Variants in UGGT2 observed in about 807,000 individuals in gnomAD.
UGGT2 encodes the protein UDP-glucose glycoprotein glucosyltransferase 2.
A neutral mutation model predicts 192.1 loss-of-function variants in UGGT2; 180 were observed. The ratio of observed to expected loss-of-function variants is 0.94; its 90% CI spans 0.83 to 1.06. The LOEUF (loss-of-function observed/expected upper bound fraction) is 1.06, where lower values mean the gene tolerates loss of function less well. Ranked by LOEUF, UGGT2 falls within the 50% of genes least tolerant of loss-of-function variation. The pLI, the probability that UGGT2 is intolerant of heterozygous loss-of-function variation, is 0.00. For synonymous variants in UGGT2, 580 were observed against 591.0 expected, an observed-to-expected ratio of 0.98 and a Z score of 0.27; for missense variants, 1,849 against 1,795.7, an observed-to-expected ratio of 1.03 and a Z score of -0.54.
intron 12 of UGGT2, among the ~76,000 whole-genome samples, chr13:95,962,388 A>G (rs967906088): frequency 3.9e-5 from 6 of 152,110 alleles, no homozygotes; most frequent in African/African-American, 1.4e-4. Context: ...CATATAAACA[A>G]AAAAGATCAT....
chr13:95,983,415 C>G, intron 10 of UGGT2: 1 of 278,040 alleles, frequency 3.6e-6, no homozygotes, highest in South Asian at 3.6e-5. Context: ...TCTTATCAAA[C>G]CACTGATAAA....
intron 12 of UGGT2, among the ~76,000 whole-genome samples, chr13:95,963,359 T>C (rs946364881): frequency 1.6e-4 from 24 of 152,118 alleles, no homozygotes; most frequent in Admixed American, 9.8e-4. Context: ...TCATTCATGA[T>C]TAAAAACTCT....
chr13:95,884,566 G>A lies in UGGT2; in HGVS notation c.3153C>T (p.Asn1051=), dbSNP rs1402958525. The A allele has an allele frequency of 1.2e-5, 19 of 1,613,998 alleles. No homozygotes were observed. The highest frequency in any genetic ancestry group is 1.5e-5 in the Non-Finnish European group (18 of 1,179,934). ...CCAACCAGCCTTCTGGAGTAATCATGTTGAGGATTAGGAGGGGTGATTCAG... is the reference window on the plus strand; with the variant it reads ...CCAACCAGCCTTCTGGAGTAATCATATTGAGGATTAGGAGGGGTGATTCAG... ...DIPESPLLIL[N]MITPEGWLVE... is the part of the protein sequence containing the mutation. Residue 1051 remains asparagine, a synonymous_variant, in exon 27 of 39, where the codon AAC becomes AAT. Coordinates refer to ENST00000376747, the MANE Select transcript of UGGT2 (RefSeq NM_020121.4).
At chr13:95,802,873 G>A (rs967576297) in intron 38 of UGGT2, among the ~76,000 whole-genome samples, 3 of 152,108 alleles carry the variant, frequency 2.0e-5, no homozygotes, top group Admixed American at 6.6e-5. Flanking sequence ...TCACTCAGTC[G>A]TCCAGGCTGG....
chr13:96,034,499 G>T (rs752850239), intron 1 of UGGT2, among the ~76,000 whole-genome samples: 1 of 152,216 alleles, frequency 6.6e-6, no homozygotes, highest in Non-Finnish European at 1.5e-5. Context: ...GACTGAAAGA[G>T]CTGTAACATG....
intron 20 of UGGT2, among the ~76,000 whole-genome samples, chr13:95,905,521 C>T (rs1423572461): frequency 6.6e-6 from 1 of 151,566 alleles, no homozygotes; most frequent in East Asian, 1.9e-4. Flanking sequence ...ATATGGCTAG[C>T]CAGTTTTCCC....
At chr13:95,904,238 G>C (rs2048202740) in intron 20 of UGGT2, among the ~76,000 whole-genome samples, 1 of 151,818 alleles carries the variant, frequency 6.6e-6, no homozygotes, top group African/African-American at 2.4e-5. Flanking sequence ...ACTGTGTTTT[G>C]GGTCTCATTT....
chr13:95,925,530 CT>C, intron 20 of UGGT2, 149 bp downstream of exon 20: 1 of 533,232 alleles, frequency 1.9e-6, no homozygotes. Context: ...GCAAAGTTAC[CT>C]GTTTTACATG....
chr13:95,949,798 C>T (rs1260823073), intron 12 of UGGT2, among the ~76,000 whole-genome samples: 1 of 152,098 alleles, frequency 6.6e-6, no homozygotes, highest in African/African-American at 2.4e-5. Flanking sequence ...GAAGCCCTCT[C>T]CACCTCCCCT....
intron 17 of UGGT2, among the ~76,000 whole-genome samples, chr13:95,930,590 T>C (rs770582005): frequency 3.9e-5 from 6 of 152,114 alleles, no homozygotes; most frequent in Non-Finnish European, 5.9e-5. Flanking sequence ...TATTTCTGGG[T>C]TCTCTACTCT....
At position 95,946,540 on chromosome 13, in the gene UGGT2, A is replaced by AT. The variant is rs1224724697; in HGVS notation, c.1677+496dup. The stretch of plus-strand genomic sequence containing the variant: ...TGTGCCGCTGCACCTGGAATTTTTT[A>AT]TTTTTTTTTTGGTAGAGACAGGGTC... On this transcript the variant is annotated intron_variant, in intron 15 of 38. Coordinates refer to ENST00000376747, the MANE Select transcript of UGGT2 (RefSeq NM_020121.4). Among the ~76,000 whole-genome samples, 736 of 147,610 alleles carry AT rather than the reference A, an allele frequency of 5.0e-3. 4 individuals are homozygous for AT. Among genetic ancestry groups the AT allele is most frequent in the African/African-American group, 0.013 (533 of 40,268 alleles).
intron 20 of UGGT2, among the ~76,000 whole-genome samples, chr13:95,906,781 C>A (rs2048305116): frequency 6.6e-6 from 1 of 152,178 alleles, no homozygotes; most frequent in African/African-American, 2.4e-5. Flanking sequence ...TCAGAAACAA[C>A]AGAAGCCAGA....
At chr13:95,952,723 T>C (rs1446893979) in intron 12 of UGGT2, among the ~76,000 whole-genome samples, 1 of 152,116 alleles carries the variant, frequency 6.6e-6, no homozygotes, top group Non-Finnish European at 1.5e-5. Flanking sequence ...TCTATGAAGA[T>C]AATATGAAAA....
At position 95,884,493 on chromosome 13, in the gene UGGT2, C is replaced by T. The variant is rs201202361; in HGVS notation, c.3226G>A (p.Asp1076Asn). Residue 1076 changes from aspartate (D) to asparagine (N), a missense_variant and splice_region_variant, in exon 27 of 39, where the codon GAT becomes AAT. Coordinates refer to ENST00000376747, the MANE Select transcript of UGGT2 (RefSeq NM_020121.4). The stretch of plus-strand genomic sequence containing the variant: ...TATGACTATACACAATAACTTACAT[C>T]CTTTAAGTGAATATTATCAAGGTCA... ...NCDLDNIHLK[D>N]TEKTVTAEYE... is the part of the protein sequence containing the mutation. 1.7e-5 allele frequency: 27 copies of T among 1,608,204 alleles called. No individual in the cohort carries two copies. Among genetic ancestry groups the T allele is most frequent in the East Asian group, 2.2e-5 (1 of 44,822 alleles).
intron 5 of UGGT2, 62 bp from the exon 6 acceptor site, chr13:95,999,369 G>C: frequency 7.0e-7 from 1 of 1,431,710 alleles, no homozygotes; most frequent in Non-Finnish European, 9.8e-7. Context: ...TTGTTTTAAA[G>C]TCAGTACCAC....
intron 8 of UGGT2, among the ~76,000 whole-genome samples, chr13:95,987,675 C>T (rs2051331628): frequency 6.6e-6 from 1 of 152,084 alleles, no homozygotes; most frequent in African/African-American, 2.4e-5. Flanking sequence ...GGGGTTTAAA[C>T]TTAATACTTT....
chr13:96,004,620 C>G (rs563577205), intron 5 of UGGT2, among the ~76,000 whole-genome samples: 13 of 151,830 alleles, frequency 8.6e-5, no homozygotes, highest in Non-Finnish European at 1.3e-4. Flanking sequence ...CATGCTGGTG[C>G]GCTGCACCCA....
At chr13:95,838,450 T>C (rs1184656559) in intron 36 of UGGT2, among the ~76,000 whole-genome samples, 1 of 152,162 alleles carries the variant, frequency 6.6e-6, no homozygotes, top group Non-Finnish European at 1.5e-5. Flanking sequence ...GGCCAACTGA[T>C]TCTAAAGTTT....
At chr13:95,924,864 T>C (rs1390549196) in intron 20 of UGGT2, among the ~76,000 whole-genome samples, 1 of 152,224 alleles carries the variant, frequency 6.6e-6, no homozygotes, top group Non-Finnish European at 1.5e-5. Context: ...CTTGTCCTCC[T>C]GCTCCAGTGA....
Sources: allele counts gnomAD v4.1 joint callset (sites outside exome capture counted in the v4.1 genomes callset), GRCh38; gene constraint gnomAD v4.1.1; transcripts MANE v1.5; gene names NCBI Gene and HGNC (gene_info 2026-07-23, HGNC 2026-07-21).